DISC1: variants seen among roughly 807,000 people sequenced by gnomAD.
The protein encoded by DISC1 is DISC1 scaffold protein.
Under a neutral mutation model 84.5 loss-of-function variants are expected in DISC1, and 57 were observed. That is an observed-to-expected ratio of 0.67 (90% confidence interval 0.55 to 0.84). The LOEUF is 0.84. Among genes scored for constraint, DISC1 ranks in the 40% least tolerant of loss-of-function variants. The pLI is 0.00. For missense variants in DISC1, 1,000 were observed against 1,057.8 expected, an observed-to-expected ratio of 0.95 and a Z score of 0.76; for synonymous variants, 411 against 415.2, an observed-to-expected ratio of 0.99 and a Z score of 0.12.
chr1:231,956,555 A>G (rs1659539721), intron 9 of DISC1, among the ~76,000 whole-genome samples: 1 of 151,946 alleles, frequency 6.6e-6, no homozygotes, highest in Non-Finnish European at 1.5e-5. Flanking sequence ...TTTTTCTTCT[A>G]CAGTGTTTTT....
chr1:231,861,795 A>G (rs1205776585), intron 9 of DISC1, among the ~76,000 whole-genome samples: 1 of 152,150 alleles, frequency 6.6e-6, no homozygotes, highest in Non-Finnish European at 1.5e-5. Context: ...TGAATGTTTT[A>G]AGAGTCTGAT....
In DISC1 at chr1:231,795,309, A is replaced by T; in HGVS notation, c.1689+13A>T. On this transcript the variant is annotated intron_variant, in intron 7 of 12. Coordinates refer to ENST00000439617, the MANE Select transcript of DISC1 (RefSeq NM_018662.3). ...AATCACTACTAAGGTAAGTACCTTTATATTCCCATTTTCCAAAGAAGCCTA... is the reference window on the plus strand; with the variant it reads ...AATCACTACTAAGGTAAGTACCTTTTTATTCCCATTTTCCAAAGAAGCCTA... 1 of 1,608,264 alleles carries T rather than the reference A, an allele frequency of 6.2e-7. No individual in the cohort carries two copies. Among genetic ancestry groups the T allele is most frequent in the Non-Finnish European group, 8.5e-7 (1 of 1,175,046 alleles).
At chr1:231,744,554 G>A (rs910965028) in intron 3 of DISC1, among the ~76,000 whole-genome samples, 7 of 151,252 alleles carry the variant, frequency 4.6e-5, no homozygotes, top group Non-Finnish European at 1.0e-4. Flanking sequence ...TTTTTTTGGT[G>A]CCAGAAAGCA....
chr1:231,973,156 C>A (rs1006203416), intron 10 of DISC1, among the ~76,000 whole-genome samples: 1 of 151,630 alleles, frequency 6.6e-6, no homozygotes, highest in African/African-American at 2.4e-5. Context: ...AAGCAATTCT[C>A]CTGCCTCAGA....
At chr1:231,894,753 G>GTA (rs913515949) in intron 9 of DISC1, among the ~76,000 whole-genome samples, 5 of 149,396 alleles carry the variant, frequency 3.3e-5, no homozygotes, top group African/African-American at 1.2e-4. Flanking sequence ...TGTTGTGTGT[G>GTA]TGTGTGTGTG....
intron 2 of DISC1, among the ~76,000 whole-genome samples, chr1:231,699,840 C>A (rs892698551): frequency 6.6e-6 from 1 of 152,254 alleles, no homozygotes; most frequent in Non-Finnish European, 1.5e-5. Flanking sequence ...ACCTGTGTGA[C>A]CTCATTCTCT....
rs563860080 is a variant in DISC1, at chr1:231,778,669, T to C, written c.1634+7599T>C. 2.0e-5 allele frequency among the ~76,000 whole-genome samples: 3 copies of C among 152,190 alleles called. No homozygotes were observed. The South Asian group carries it at 6.2e-4, about 32-fold the overall frequency. On this transcript the variant is annotated intron_variant, in intron 6 of 12. Coordinates refer to ENST00000439617, the MANE Select transcript of DISC1 (RefSeq NM_018662.3). ...TGGAAAAGTTTACCAGACTATAATCTGGTAAAGGAGGAAGAGGATTGGAAA... is the reference window on the plus strand; with the variant it reads ...TGGAAAAGTTTACCAGACTATAATCCGGTAAAGGAGGAAGAGGATTGGAAA...
chr1:231,818,274 T>A (rs1169432812), intron 8 of DISC1, 55 bp from the exon 9 acceptor site: 3 of 1,543,880 alleles, frequency 1.9e-6, no homozygotes, highest in Non-Finnish European at 2.7e-6. Context: ...ATCTTCCATG[T>A]GTGTGGATGC....
intron 3 of DISC1, among the ~76,000 whole-genome samples, chr1:231,730,572 A>G (rs932030335): frequency 2.6e-5 from 4 of 152,212 alleles, no homozygotes; most frequent in East Asian, 3.8e-4. Flanking sequence ...ATGTTTTTCA[A>G]TAGTGCAGTT....
At chr1:231,777,300 C>T (rs897126091) in intron 6 of DISC1, among the ~76,000 whole-genome samples, 1 of 152,064 alleles carries the variant, frequency 6.6e-6, no homozygotes, top group Non-Finnish European at 1.5e-5. Flanking sequence ...TGGCTCATTG[C>T]AGCATTTTAC....
chr1:231,667,423 C>G (rs1275683277), intron 1 of DISC1, among the ~76,000 whole-genome samples: 2 of 152,176 alleles, frequency 1.3e-5, no homozygotes, highest in African/African-American at 4.8e-5. Context: ...GCTTTCTTTC[C>G]TATGATGTGT....
chr1:231,727,576 C>T (rs200274954), intron 3 of DISC1, among the ~76,000 whole-genome samples: 14 of 152,144 alleles, frequency 9.2e-5, no homozygotes, highest in Non-Finnish European at 1.5e-4. Context: ...TTCAGAGAGA[C>T]GCCCCTTGAG....
At chr1:231,883,328 T>TC (rs1259534524) in intron 9 of DISC1, among the ~76,000 whole-genome samples, 4 of 151,776 alleles carry the variant, frequency 2.6e-5, no homozygotes, top group Admixed American at 2.6e-4. Flanking sequence ...AACCCAACCC[T>TC]CCCCCCAGCA....
rs2081886977 is a variant in DISC1 at position 231,826,714 on chromosome 1, G to GT, written c.1981+8203dup. 6.6e-6 allele frequency among the ~76,000 whole-genome samples: 1 copy of GT among 152,116 alleles called. No homozygotes were observed. Among genetic ancestry groups the GT allele is most frequent in the East Asian group, 1.9e-4 (1 of 5,196 alleles). On this transcript the variant is annotated intron_variant, in intron 9 of 12. Coordinates refer to ENST00000439617, the MANE Select transcript of DISC1 (RefSeq NM_018662.3). This position sits in a 1 kb window ranked among gnomAD's most constrained non-coding sequence, Gnocchi z 4.2. ...ATACATATTCATTGACTTCAAACCA[G>GT]TTTTTTGTATATTTTCAAATAACTG...
chr1:231,729,994 TA>T (rs1031275693), intron 3 of DISC1, among the ~76,000 whole-genome samples: 3 of 152,158 alleles, frequency 2.0e-5, no homozygotes, highest in Admixed American at 6.5e-5. Flanking sequence ...AAATATTCTA[TA>T]AAAAAACAAT....
intron 9 of DISC1, among the ~76,000 whole-genome samples, chr1:231,928,275 G>A (rs957520520): frequency 2.0e-5 from 3 of 152,330 alleles, no homozygotes; most frequent in African/African-American, 7.2e-5. Flanking sequence ...TCTACACAGT[G>A]TTTCTCAATA....
chr1:231,676,089 C>T (rs1257094120), intron 1 of DISC1, among the ~76,000 whole-genome samples: 1 of 152,220 alleles, frequency 6.6e-6, no homozygotes, highest in Non-Finnish European at 1.5e-5. Flanking sequence ...CCTGATGATC[C>T]ATCTGCCTTG....
At position 231,669,505 on chromosome 1, in the gene DISC1, G is replaced by C. The variant is rs188644226; in HGVS notation, c.68-24321G>C. On this transcript the variant is annotated intron_variant, in intron 1 of 12. Coordinates refer to ENST00000439617, the MANE Select transcript of DISC1 (RefSeq NM_018662.3). ...AAGGTCTAATATCCAGCATCTATAGGGAACTTAAACAAATTTACAAGAAAA... is the reference window on the plus strand; with the variant it reads ...AAGGTCTAATATCCAGCATCTATAGCGAACTTAAACAAATTTACAAGAAAA... 3.3e-5 allele frequency among the ~76,000 whole-genome samples: 5 copies of C among 151,868 alleles called. No homozygotes were observed. In the East Asian group the frequency reaches 9.7e-4, roughly 29 times the overall value.
intron 9 of DISC1, among the ~76,000 whole-genome samples, chr1:231,825,025 G>A (rs569318955): frequency 6.6e-6 from 1 of 152,218 alleles, no homozygotes; most frequent in African/African-American, 2.4e-5. Context: ...GGCTACTGAG[G>A]TCCCTTTTAA....
Sources: allele counts gnomAD v4.1 joint callset (sites outside exome capture counted in the v4.1 genomes callset), GRCh38; gene constraint gnomAD v4.1.1; non-coding constraint Gnocchi (gnomAD v3.1); transcripts MANE v1.5; gene names NCBI Gene and HGNC (gene_info 2026-07-23, HGNC 2026-07-21).